The following WWOX variants were observed in gnomAD, a reference collection of about 807,000 sequenced individuals.
WWOX encodes WW domain-containing oxidoreductase.
WWOX carries 69 observed loss-of-function variants against 46.2 expected under a neutral mutation model. That is an observed-to-expected ratio of 1.49 (90% confidence interval 1.23 to 1.82). The LOEUF is 1.82. WWOX is among the 40% of genes most tolerant of loss of function. The probability of loss-of-function intolerance (pLI) is 0.00; values close to 1 mark genes in which losing one functional copy is unlikely to be tolerated. For synonymous variants in WWOX, 359 were observed against 202.6 expected (o/e 1.77, Z -6.56); for missense variants, 919 against 542.6 (o/e 1.69, Z -6.89).
At chr16:78,516,340 A>C (rs921528329) in intron 8 of WWOX, among the ~76,000 whole-genome samples, 1 of 152,148 alleles carries the variant, frequency 6.6e-6, no homozygotes, top group Non-Finnish European at 1.5e-5. Context: ...ACGGTCACAA[A>C]CATACCTCCA....
intron 8 of WWOX, among the ~76,000 whole-genome samples, chr16:78,813,307 A>G (rs1205944150): frequency 3.9e-5 from 6 of 152,000 alleles, no homozygotes; most frequent in Admixed American, 3.3e-4. Context: ...CCTAAGCTAT[A>G]AATATACAGC....
intron 5 of WWOX, among the ~76,000 whole-genome samples, chr16:78,336,447 A>G (rs1025426645): frequency 2.8e-5 from 4 of 145,394 alleles, no homozygotes; most frequent in African/African-American, 1.0e-4. Flanking sequence ...TGAACGTTGC[A>G]GTGAGCCAAG....
chr16:79,079,537 T>C (rs992952024), intron 8 of WWOX, among the ~76,000 whole-genome samples: 4 of 152,214 alleles, frequency 2.6e-5, no homozygotes, highest in Non-Finnish European at 5.9e-5. Flanking sequence ...TTTCCCATTG[T>C]TTGCACTTCC....
chr16:78,336,868 C>T (rs1298088566), intron 5 of WWOX, among the ~76,000 whole-genome samples: 3 of 152,096 alleles, frequency 2.0e-5, no homozygotes, highest in African/African-American at 7.2e-5. Context: ...TCTCCTCCGC[C>T]TCCCAGTTTA....
At chr16:78,486,487 T>A (rs1245544280) in intron 8 of WWOX, among the ~76,000 whole-genome samples, 1 of 152,208 alleles carries the variant, frequency 6.6e-6, no homozygotes, top group African/African-American at 2.4e-5. Context: ...TTCCTGATAG[T>A]TTAGCAGTGT....
At chr16:79,079,931 C>T (rs944783266) in intron 8 of WWOX, among the ~76,000 whole-genome samples, 15 of 138,774 alleles carry the variant, frequency 1.1e-4, no homozygotes, top group African/African-American at 4.4e-4. Flanking sequence ...CAAGCTGTTC[C>T]TTCCACCCCC....
intron 3 of WWOX, among the ~76,000 whole-genome samples, chr16:78,113,752 G>T (rs117761820): frequency 0.02 from 3,006 of 152,298 alleles, 38 homozygotes; most frequent in African/African-American, 0.035. Flanking sequence ...TTGTAAGCCA[G>T]TTTGAGCCAG....
chr16:78,319,196 T>C (rs1254702406), intron 5 of WWOX, among the ~76,000 whole-genome samples: 1 of 152,048 alleles, frequency 6.6e-6, no homozygotes, highest in Non-Finnish European at 1.5e-5. Context: ...CCACAGAAAG[T>C]AGGCAGCCTC....
At chr16:78,965,638 C>T (rs974102331) in intron 8 of WWOX, among the ~76,000 whole-genome samples, 1 of 151,922 alleles carries the variant, frequency 6.6e-6, no homozygotes, top group Admixed American at 6.6e-5. Context: ...GATTCTGGCA[C>T]TGTTAGCATC....
At chr16:79,018,854 C>G (rs991188602) in intron 8 of WWOX, among the ~76,000 whole-genome samples, 1 of 151,922 alleles carries the variant, frequency 6.6e-6, no homozygotes, top group Non-Finnish European at 1.5e-5. Flanking sequence ...TAGAAATATA[C>G]AAATTGAATG....
At chr16:79,023,792 C>CAAAAAA (rs71674970) in intron 8 of WWOX, among the ~76,000 whole-genome samples, 1 of 141,230 alleles carries the variant, frequency 7.1e-6, no homozygotes, top group African/African-American at 2.6e-5. Context: ...ACTAAAAATA[C>CAAAAAA]AAAAAAAAAA....
rs1460116232 is a variant in WWOX at position 78,923,587 on chromosome 16, T to G, written c.1057-288021T>G. ...TTCCATTCATAGTGTGTTAGCAGCT[T>G]TTTCTACAAATCTCTTGGCGGGTGG... On this transcript the variant is annotated intron_variant, in intron 8 of 8. Transcript: ENST00000566780. 5.9e-5 allele frequency among the ~76,000 whole-genome samples: 9 copies of G among 152,194 alleles called. No homozygotes were observed. The East Asian group carries it at 1.7e-3, about 29-fold the overall frequency.
chr16:79,192,053 C>T (rs2051147079), intron 8 of WWOX, among the ~76,000 whole-genome samples: 2 of 152,196 alleles, frequency 1.3e-5, no homozygotes, highest in Non-Finnish European at 2.9e-5. Context: ...AGACAATTTT[C>T]TTCTCCTCAA....
intron 8 of WWOX, chr16:78,506,404 A>T (rs2085204651): frequency 6.6e-6 from 1 of 152,288 alleles, no homozygotes; most frequent in Non-Finnish European, 1.5e-5. Context: ...CAGAGAAGAA[A>T]AACGAAAGAG....
intron 8 of WWOX, among the ~76,000 whole-genome samples, chr16:78,870,114 C>G (rs969325909): frequency 6.6e-6 from 1 of 152,162 alleles, no homozygotes; most frequent in Non-Finnish European, 1.5e-5. Context: ...CCTAAGTGCT[C>G]TGACAGGGCA....
At chr16:78,693,074 A>G (rs7195153) in intron 8 of WWOX, among the ~76,000 whole-genome samples, 24,013 of 152,186 alleles carry the variant, frequency 0.16, 5,337 homozygotes, top group African/African-American at 0.5. Flanking sequence ...CTTGCCAGCA[A>G]CCTTTTAGAT....
At chr16:79,154,532 A>C (rs1025240097) in intron 8 of WWOX, among the ~76,000 whole-genome samples, 1 of 150,156 alleles carries the variant, frequency 6.7e-6, no homozygotes, top group African/African-American at 2.4e-5. Flanking sequence ...AGGTGAATTT[A>C]GTTGAAAGGA....
intron 2 of WWOX, among the ~76,000 whole-genome samples, chr16:78,109,066 C>T (rs904640525): frequency 5.9e-5 from 9 of 152,240 alleles, no homozygotes; most frequent in Admixed American, 2.0e-4. Context: ...GTTTTCCTAT[C>T]GTTGCAGTGT....
chr16:78,791,370 G>A (rs2050595361), intron 8 of WWOX, among the ~76,000 whole-genome samples: 1 of 152,162 alleles, frequency 6.6e-6, no homozygotes, highest in Non-Finnish European at 1.5e-5. Flanking sequence ...TCAGCAGGCA[G>A]GAGCAGCCGA....
Sources: gnomAD v4.1 joint callset for allele counts (sites outside exome capture counted in the v4.1 genomes callset) on GRCh38, gnomAD v4.1.1 for gene constraint, MANE v1.5 for transcripts, NCBI Gene and HGNC (gene_info 2026-07-23, HGNC 2026-07-21) for gene names.